PWWP2B: variants seen among roughly 807,000 people sequenced by gnomAD.
PWWP2B encodes the protein PWWP domain-containing protein 2B.
In PWWP2B, 9 loss-of-function variants were observed where a neutral mutation model predicts 15.5. The ratio of observed to expected loss-of-function variants is 0.58; its 90% CI spans 0.35 to 1.02. The LOEUF is 1.02. Ranked by LOEUF, PWWP2B falls within the 50% of genes least tolerant of loss-of-function variation. The pLI is 0.02. For synonymous variants in PWWP2B, 474 were observed against 403.6 expected (o/e 1.17, Z -2.09); for missense variants, 864 against 865.3 (o/e 1.00, Z 0.02).
At chr10:132,415,633 T>TCA (rs879312172) in intron 2 of PWWP2B, among the ~76,000 whole-genome samples, 8 of 132,660 alleles carry the variant, frequency 6.0e-5, no homozygotes, top group African/African-American at 1.5e-4. Flanking sequence ...ACACATCCAC[T>TCA]CACACACCCA....
chr10:132,406,701 C>T (rs2069704465), intron 2 of PWWP2B, among the ~76,000 whole-genome samples: 1 of 152,200 alleles, frequency 6.6e-6, no homozygotes, highest in East Asian at 1.9e-4. Context: ...ACTCTCACTG[C>T]TCTTTCCAAA....
chr10:132,399,296 T>A (rs939020302), intron 1 of PWWP2B, among the ~76,000 whole-genome samples: 6 of 152,244 alleles, frequency 3.9e-5, no homozygotes, highest in Non-Finnish European at 8.8e-5. Context: ...ATGACAGGTG[T>A]CCGCCCACCT....
Position 132,397,269 on chromosome 10 carries a change from C to G in PWWP2B, c.43C>G (p.Gln15Glu). ...CTGCCGGCTGCCGGTGCGGGTGGAG[C>G]AGGTCGTCAACGGCGCGCTGGTGGT... ...AGCRLPVRVE[Q>E]VVNGALVVTV... The change falls in exon 1 of 3, where the codon CAG becomes GAG. Residue 15 changes from glutamine (Q) to glutamate (E), a missense_variant. Gln to Glu is a conservative substitution (Grantham distance 29). Around this residue, in one of 2 missense-constraint regions of PWWP2B, gnomAD observed 736 missense variants for 687.7 expected, o/e 1.07. Coordinates refer to ENST00000305233, the MANE Select transcript of PWWP2B (RefSeq NM_138499.4). 1 of 1,386,912 alleles carries G rather than the reference C, an allele frequency of 7.2e-7. No individual in the cohort carries two copies. Among genetic ancestry groups the G allele is most frequent in the Admixed American group, 2.5e-5 (1 of 40,296 alleles). 85.9% of individuals were successfully genotyped at this position (1,386,912 alleles called of 1,614,324 possible).
chr10:132,402,269 G>C (rs1415591202), intron 1 of PWWP2B, among the ~76,000 whole-genome samples: 1 of 152,244 alleles, frequency 6.6e-6, no homozygotes, highest in Non-Finnish European at 1.5e-5. Context: ...AACCCCGAGT[G>C]GTCAGGGTGC....
At chr10:132,412,869 CAT>C (rs1019680975) in intron 2 of PWWP2B, among the ~76,000 whole-genome samples, 30 of 152,364 alleles carry the variant, frequency 2.0e-4, no homozygotes, top group Admixed American at 5.9e-4. Flanking sequence ...TGAAAGCGCA[CAT>C]GTTTGCTAAC....
intron 1 of PWWP2B, 61 bp from the exon 2 acceptor site, chr10:132,404,565 G>A: frequency 2.1e-6 from 3 of 1,450,004 alleles, no homozygotes; most frequent in Non-Finnish European, 2.9e-6. Flanking sequence ...CTGGGGGCTG[G>A]TGCGGGTGGC....
chr10:132,401,725 C>G (rs930410500), intron 1 of PWWP2B, among the ~76,000 whole-genome samples: 5 of 152,274 alleles, frequency 3.3e-5, no homozygotes, highest in Non-Finnish European at 7.3e-5. Flanking sequence ...TACCCACCCA[C>G]TCAGCCTGGA....
At chr10:132,401,502 G>T (rs1007833086) in intron 1 of PWWP2B, among the ~76,000 whole-genome samples, 2 of 152,094 alleles carry the variant, frequency 1.3e-5, no homozygotes, top group African/African-American at 4.8e-5. Context: ...TAGCTCCAGG[G>T]CCACTCCATC....
intron 2 of PWWP2B, among the ~76,000 whole-genome samples, chr10:132,412,337 A>G (rs768590247): frequency 3.3e-4 from 50 of 152,344 alleles, no homozygotes; most frequent in Non-Finnish European, 6.3e-4. Context: ...TCTCACCTTC[A>G]GCTCCAAATC....
chr10:132,415,110 G>A (rs1170627665), intron 2 of PWWP2B, among the ~76,000 whole-genome samples: 2 of 152,150 alleles, frequency 1.3e-5, no homozygotes, highest in Non-Finnish European at 2.9e-5. Flanking sequence ...GCTGCTGCTT[G>A]ATCCTTAAGT....
chr10:132,412,979 G>A (rs1364668880), intron 2 of PWWP2B, among the ~76,000 whole-genome samples: 2 of 152,242 alleles, frequency 1.3e-5, no homozygotes, highest in Non-Finnish European at 2.9e-5. Context: ...AGTGTCCTGT[G>A]GTGACCACAG....
At chr10:132,412,129 C>T (rs546745321) in intron 2 of PWWP2B, among the ~76,000 whole-genome samples, 1 of 152,208 alleles carries the variant, frequency 6.6e-6, no homozygotes, top group African/African-American at 2.4e-5. Flanking sequence ...GTGGGGCAGG[C>T]GGGCAGGTGC....
At chr10:132,400,032 C>T (rs2069595013) in intron 1 of PWWP2B, among the ~76,000 whole-genome samples, 1 of 152,184 alleles carries the variant, frequency 6.6e-6, no homozygotes, top group African/African-American at 2.4e-5. Context: ...CACTGAGAAC[C>T]CCAGACACTG....
intron 2 of PWWP2B, among the ~76,000 whole-genome samples, chr10:132,406,890 G>A (rs2069708047): frequency 1.3e-5 from 2 of 152,176 alleles, no homozygotes; most frequent in African/African-American, 2.4e-5. Flanking sequence ...TGCGCACTCC[G>A]TCGTCAGCAG....
chr10:132,402,892 C>T (rs543620441), intron 1 of PWWP2B, among the ~76,000 whole-genome samples: 14 of 152,378 alleles, frequency 9.2e-5, no homozygotes, highest in Admixed American at 9.1e-4. Context: ...TTCACAAACG[C>T]TGGAGCGGCC....
Position 132,404,916 on chromosome 10 carries a change from G to A in PWWP2B, c.416G>A (p.Trp139Ter). ...TGGCTCCGGGACACGTACAAGCTGTGGGTGCCCCAGCCGCCGCCCAGGACC... is the reference window on the plus strand; with the variant it reads ...TGGCTCCGGGACACGTACAAGCTGTAGGTGCCCCAGCCGCCGCCCAGGACC... ...PLWLRDTYKL[W>*]VPQPPPRTIK... is the part of the protein sequence containing the mutation. The change falls in exon 2 of 3, where the codon TGG (tryptophan) becomes TAG (stop). Residue 139 changes from tryptophan (W) to a stop codon, truncating the protein, a stop_gained. Coordinates refer to ENST00000305233, the MANE Select transcript of PWWP2B (RefSeq NM_138499.4). LOFTEE classifies it high-confidence loss of function. 6.3e-7 allele frequency: 1 copy of A among 1,595,316 alleles called. No homozygotes were observed. The highest frequency in any genetic ancestry group is 8.5e-7 in the Non-Finnish European group (1 of 1,178,442).
At position 132,417,750 on chromosome 10, in the gene PWWP2B, C is replaced by T. The variant is rs757254714; in HGVS notation, c.*706C>T. Reference sequence around the variant, plus strand: ...CAAGGGCGGCCCCTGGGAAACCGGGCTTCAACAGTACAAGGAAAAGAAACT... The same window carrying T: ...CAAGGGCGGCCCCTGGGAAACCGGGTTTCAACAGTACAAGGAAAAGAAACT... On this transcript the variant is annotated 3_prime_UTR_variant, in exon 3 of 3. Transcript: ENST00000305233. The T allele has an allele frequency of 6.6e-6, 1 of 152,330 alleles. No individual in the cohort carries two copies. Among genetic ancestry groups the T allele is most frequent in the Non-Finnish European group, 1.5e-5 (1 of 68,098 alleles). The allele number at this position is 152,330 out of a possible 1,614,324, so 9.4% of individuals were successfully genotyped here.
chr10:132,417,358 T>C lies in PWWP2B; in HGVS notation c.*314T>C. 3 of 497,044 alleles carry C rather than the reference T, an allele frequency of 6.0e-6. No homozygotes were observed. In the South Asian group the frequency reaches 7.5e-5, roughly 12 times the overall value. 30.8% of individuals were successfully genotyped at this position (497,044 alleles called of 1,614,324 possible). ...TGCTGCCTCGCGCGCTGGGGTTCCA[T>C]GGAGGAACTGGGCCTGCCGCCCCGG... is the stretch of plus-strand genomic sequence containing the variant. On this transcript the variant is annotated 3_prime_UTR_variant, in exon 3 of 3. Transcript: ENST00000305233.
At chr10:132,412,906 C>T (rs574404595) in intron 2 of PWWP2B, among the ~76,000 whole-genome samples, 2 of 152,376 alleles carry the variant, frequency 1.3e-5, no homozygotes, top group South Asian at 2.1e-4. Context: ...TCGATCCACA[C>T]AAGTGCTATT....
Sources: allele counts gnomAD v4.1 joint callset (sites outside exome capture counted in the v4.1 genomes callset), GRCh38; gene constraint gnomAD v4.1.1; regional missense constraint gnomAD v4.1.1; transcripts MANE v1.5; gene names NCBI Gene and HGNC (gene_info 2026-07-23, HGNC 2026-07-21).